PHACTR1: variants seen among roughly 807,000 people sequenced by gnomAD.
The protein encoded by PHACTR1 is phosphatase and actin regulator 1.
Under a neutral mutation model 69.2 loss-of-function variants are expected in PHACTR1, and 16 were observed. The ratio of observed to expected loss-of-function variants is 0.23; its 90% CI spans 0.16 to 0.35. The LOEUF (loss-of-function observed/expected upper bound fraction) is 0.35. Among genes scored for constraint, PHACTR1 ranks in the 10% least tolerant of loss-of-function variants. The pLI, the probability that PHACTR1 is intolerant of heterozygous loss-of-function variation, is 1.00. For synonymous variants in PHACTR1, 312 were observed against 284.5 expected (o/e 1.10, Z -0.97); for missense variants, 510 against 734.7 (o/e 0.69, Z 3.54).
intron 4 of PHACTR1, among the ~76,000 whole-genome samples, chr6:12,946,971 GCTGA>G (rs548270738): frequency 2.6e-5 from 4 of 151,736 alleles, no homozygotes; most frequent in Admixed American, 6.6e-5. Context: ...CACCACCACG[GCTGA>G]CTAATTTTTG....
intron 3 of PHACTR1, among the ~76,000 whole-genome samples, chr6:12,743,858 TCTC>T (rs1765405141): frequency 1.3e-5 from 2 of 152,200 alleles, no homozygotes; most frequent in African/African-American, 4.8e-5. Context: ...TATACATTCT[TCTC>T]AGCACCACAT....
chr6:13,057,220 T>C (rs1806928899), intron 5 of PHACTR1, among the ~76,000 whole-genome samples: 1 of 152,172 alleles, frequency 6.6e-6, no homozygotes, highest in Non-Finnish European at 1.5e-5. Flanking sequence ...TCACTACACA[T>C]TGTATACATG....
At chr6:13,269,400 C>T (rs1469248147) in intron 10 of PHACTR1, among the ~76,000 whole-genome samples, 1 of 152,180 alleles carries the variant, frequency 6.6e-6, no homozygotes, top group Non-Finnish European at 1.5e-5. Context: ...CCTCCTGCAG[C>T]GTGAGAATGC....
chr6:13,076,869 C>CT (rs1384543373), intron 5 of PHACTR1, among the ~76,000 whole-genome samples: 1 of 145,044 alleles, frequency 6.9e-6, no homozygotes, highest in Non-Finnish European at 1.5e-5. Context: ...TTGGAACGCT[C>CT]TGAGAGGTCA....
At chr6:13,264,164 A>G (rs1373606512) in intron 10 of PHACTR1, among the ~76,000 whole-genome samples, 1 of 152,218 alleles carries the variant, frequency 6.6e-6, no homozygotes, top group Non-Finnish European at 1.5e-5. Flanking sequence ...GAACTCTTCT[A>G]TAATTCCAAT....
chr6:13,134,580 A>G (rs1232601845), intron 5 of PHACTR1, among the ~76,000 whole-genome samples: 6 of 152,076 alleles, frequency 3.9e-5, no homozygotes, highest in Admixed American at 1.3e-4. Context: ...TGTTAAACAG[A>G]TGCTTGAAGG....
At chr6:12,760,861 A>G (rs1767949311) in intron 4 of PHACTR1, among the ~76,000 whole-genome samples, 1 of 152,222 alleles carries the variant, frequency 6.6e-6, no homozygotes, top group Non-Finnish European at 1.5e-5. Flanking sequence ...TGAATCCGGG[A>G]GGCGCAAGAT....
chr6:13,127,622 C>T (rs529877549), intron 5 of PHACTR1, among the ~76,000 whole-genome samples: 1 of 152,158 alleles, frequency 6.6e-6, no homozygotes, highest in Non-Finnish European at 1.5e-5. Flanking sequence ...TGTATACTTA[C>T]TGGTTTTTAA....
intron 4 of PHACTR1, among the ~76,000 whole-genome samples, chr6:12,973,160 C>A (rs1794440609): frequency 6.6e-6 from 1 of 152,126 alleles, no homozygotes; most frequent in Admixed American, 6.6e-5. Context: ...GATTAGGCCA[C>A]CACCCTGCTC....
chr6:12,898,739 G>C (rs9472870), intron 4 of PHACTR1, among the ~76,000 whole-genome samples: 7,012 of 152,218 alleles, frequency 0.046, 559 homozygotes, highest in African/African-American at 0.16. Flanking sequence ...GCCGCAATCT[G>C]TCCTTGTTGC....
chr6:13,241,750 G>A (rs564133346), intron 10 of PHACTR1, among the ~76,000 whole-genome samples: 19 of 152,088 alleles, frequency 1.2e-4, no homozygotes, highest in East Asian at 1.9e-4. Flanking sequence ...CTGGGTGGGC[G>A]CAGTGGCTCA....
intron 4 of PHACTR1, among the ~76,000 whole-genome samples, chr6:12,924,714 G>C (rs528837922): frequency 1.3e-5 from 2 of 150,876 alleles, no homozygotes; most frequent in African/African-American, 4.9e-5. Flanking sequence ...GGCAGAGCTT[G>C]CAGTGAGCCG....
At chr6:13,171,590 G>C (rs192704262) in intron 6 of PHACTR1, among the ~76,000 whole-genome samples, 1 of 152,194 alleles carries the variant, frequency 6.6e-6, no homozygotes, top group Non-Finnish European at 1.5e-5. Flanking sequence ...TGGTGGTGGA[G>C]CACTTAAAAT....
chr6:13,174,729 T>TCG (rs1761087163), intron 6 of PHACTR1, among the ~76,000 whole-genome samples: 1 of 151,964 alleles, frequency 6.6e-6, no homozygotes, highest in African/African-American at 2.4e-5. Context: ...TCTCTCTCTC[T>TCG]CTCTCCCCCT....
At chr6:12,797,890 G>C (rs557906041) in intron 4 of PHACTR1, among the ~76,000 whole-genome samples, 40 of 152,184 alleles carry the variant, frequency 2.6e-4, no homozygotes, top group Middle Eastern at 3.4e-3. Context: ...CATCAAAGAG[G>C]CCATTTCAAA....
intron 5 of PHACTR1, among the ~76,000 whole-genome samples, chr6:13,075,677 A>C (rs6931134): frequency 0.012 from 1,787 of 152,258 alleles, 29 homozygotes; most frequent in African/African-American, 0.04. Context: ...GCTTTCTGAA[A>C]GGGAAATACA....
At chr6:12,982,361 C>T (rs1028820753) in intron 4 of PHACTR1, among the ~76,000 whole-genome samples, 1 of 152,206 alleles carries the variant, frequency 6.6e-6, no homozygotes, top group Non-Finnish European at 1.5e-5. Flanking sequence ...TTTTCTACTA[C>T]TTGTCAGTTG....
chr6:13,190,930 G>A (rs960535704), intron 7 of PHACTR1, among the ~76,000 whole-genome samples: 16 of 152,246 alleles, frequency 1.1e-4, no homozygotes, highest in African/African-American at 3.8e-4. Flanking sequence ...ATGTGTACCT[G>A]TGTAACAAGA....
At chr6:12,737,398 T>TACACACACACACACACAC (rs3071780) in intron 3 of PHACTR1, among the ~76,000 whole-genome samples, 1 of 149,380 alleles carries the variant, frequency 6.7e-6, no homozygotes, top group South Asian at 2.1e-4. Context: ...TATTGTTTTA[T>TACACACACACACACACAC]ACACACACAC....
Sources: gnomAD v4.1 joint callset for allele counts (sites outside exome capture counted in the v4.1 genomes callset) on GRCh38, gnomAD v4.1.1 for gene constraint, MANE v1.5 for transcripts, NCBI Gene and HGNC (gene_info 2026-07-23, HGNC 2026-07-21) for gene names.